The following DMD variants were observed in gnomAD, a reference collection of about 807,000 sequenced individuals.
DMD encodes the protein dystrophin.
In DMD, 63 loss-of-function variants were observed where a neutral mutation model predicts 330.1. The observed-to-expected ratio is 0.19, with a 90% CI of 0.16 to 0.24. The LOEUF is 0.24. Among genes scored for constraint, DMD ranks in the 10% least tolerant of loss-of-function variants. The pLI, the probability that DMD is intolerant of heterozygous loss-of-function variation, is 1.00. For missense variants in DMD, 3,344 were observed against 2,684.1 expected, an observed-to-expected ratio of 1.25 and a Z score of -5.43; for synonymous variants, 1,223 against 959.8, an observed-to-expected ratio of 1.27 and a Z score of -5.07.
At chrX:31,979,547 C>G (rs966368856) in intron 44 of DMD, among the ~76,000 whole-genome samples, 30 of 111,662 alleles carry the variant, frequency 2.7e-4, no homozygotes, top group Admixed American at 7.6e-4. Context: ...GAAAGAATCT[C>G]TAAGAGCATA....
intron 44 of DMD, among the ~76,000 whole-genome samples, chrX:32,135,000 CA>C (rs943764799): frequency 3.6e-5 from 4 of 111,517 alleles, no homozygotes; most frequent in Non-Finnish European, 7.5e-5. Flanking sequence ...CTAGACTTCA[CA>C]AAAGAATTAC....
chrX:31,482,089 G>C (rs1367879942), intron 57 of DMD, among the ~76,000 whole-genome samples: 1 of 111,215 alleles, frequency 9.0e-6, no homozygotes, highest in African/African-American at 3.3e-5. Flanking sequence ...GTAAGTCTTT[G>C]GGCAAAGGAA....
intron 44 of DMD, among the ~76,000 whole-genome samples, chrX:32,108,576 G>T (rs1015082269): frequency 8.9e-6 from 1 of 111,734 alleles, no homozygotes; most frequent in African/African-American, 3.2e-5. Context: ...ATGATACTGA[G>T]GGACTGGCAA....
At chrX:32,523,776 G>A (rs2148837029) in intron 17 of DMD, among the ~76,000 whole-genome samples, 1 of 111,303 alleles carries the variant, frequency 9.0e-6, no homozygotes, top group East Asian at 2.8e-4. Context: ...GCTATGACCT[G>A]TATAAGGAGG....
At chrX:33,205,302 G>A (rs956188176) in intron 1 of DMD, among the ~76,000 whole-genome samples, 4 of 111,961 alleles carry the variant, frequency 3.6e-5, no homozygotes, top group Non-Finnish European at 7.5e-5. Flanking sequence ...CTAATACATC[G>A]TTCTTAAGCA....
intron 7 of DMD, among the ~76,000 whole-genome samples, chrX:32,757,021 A>T (rs962249268): frequency 8.1e-5 from 9 of 111,615 alleles, no homozygotes; most frequent in African/African-American, 2.6e-4. Context: ...TTTAACTCTT[A>T]AAGAGATTAG....
At chrX:31,430,793 CTTTTTTT>C (rs565087970) in intron 60 of DMD, among the ~76,000 whole-genome samples, 5 of 48,332 alleles carry the variant, frequency 1.0e-4, no homozygotes, top group South Asian at 1.3e-3. Flanking sequence ...AAGTTAAGGT[CTTTTTTT>C]TTTTTTTTTT....
intron 11 of DMD, among the ~76,000 whole-genome samples, chrX:32,640,389 T>G (rs2059373685): frequency 9.1e-6 from 1 of 109,944 alleles, no homozygotes; most frequent in South Asian, 3.9e-4. Flanking sequence ...TAAATAAGTG[T>G]TTGAGAAAGC....
intron 1 of DMD, among the ~76,000 whole-genome samples, chrX:33,126,158 G>C (rs184298228): frequency 1.8e-5 from 2 of 111,497 alleles, no homozygotes; most frequent in Non-Finnish European, 3.8e-5. Flanking sequence ...AGTTTCAGCA[G>C]GAATACAATT....
chrX:32,444,568 C>G (rs1335182065), intron 27 of DMD, among the ~76,000 whole-genome samples: 1 of 110,686 alleles, frequency 9.0e-6, no homozygotes, highest in East Asian at 2.8e-4. Flanking sequence ...AATAAATATG[C>G]CTAGCCTCAT....
intron 49 of DMD, among the ~76,000 whole-genome samples, chrX:31,832,562 C>A (rs945971351): frequency 8.9e-6 from 1 of 112,085 alleles, no homozygotes; most frequent in African/African-American, 3.2e-5. Flanking sequence ...TTGTCTACAG[C>A]AATTATTTTG....
At chrX:32,822,057 A>T (rs964254359) in intron 5 of DMD, among the ~76,000 whole-genome samples, 1 of 111,419 alleles carries the variant, frequency 9.0e-6, no homozygotes, top group Non-Finnish European at 1.9e-5. Context: ...CATTTCAAAA[A>T]CGCTGATTTA....
chrX:31,479,064 T>C lies in DMD; in HGVS notation c.8587A>G (p.Met2863Val). The change falls in exon 58 of 79, where the codon ATG (methionine) becomes GTG (valine). Residue 2863 changes from methionine to valine, a missense_variant. Met to Val is a conservative substitution (Grantham distance 21, BLOSUM62 1). Coordinates refer to ENST00000357033, the MANE Select transcript of DMD (RefSeq NM_004006.3). ...RELKTKEPVI[M>V]STLETVRIFL... ...ATTCGTACAGTCTCAAGAGTACTCA[T>C]GATTACAGGTTCTTTAGTTTTCAAT... The C allele has an allele frequency of 5.0e-6, 6 of 1,209,188 alleles. No homozygotes were observed. Among genetic ancestry groups the C allele is most frequent in the Non-Finnish European group, 6.7e-6 (6 of 893,293 alleles).
At chrX:32,219,400 T>C (rs1283071440) in intron 43 of DMD, among the ~76,000 whole-genome samples, 1 of 112,432 alleles carries the variant, frequency 8.9e-6, no homozygotes, top group African/African-American at 3.2e-5. Flanking sequence ...TAAAAATCTA[T>C]GCAACATAGT....
intron 2 of DMD, among the ~76,000 whole-genome samples, chrX:32,910,762 A>G (rs2087165032): frequency 8.9e-6 from 1 of 112,214 alleles, no homozygotes; most frequent in Non-Finnish European, 1.9e-5. Context: ...TTTCTTAGAA[A>G]GTTTCAAAAT....
chrX:33,271,880 C>T (rs1476484254), intron 1 of DMD, among the ~76,000 whole-genome samples: 2 of 109,396 alleles, frequency 1.8e-5, no homozygotes, highest in African/African-American at 6.6e-5. Flanking sequence ...AATGTGTGTT[C>T]TTTTTCATTT....
At chrX:31,359,088 T>C (rs1001969057) in intron 60 of DMD, among the ~76,000 whole-genome samples, 1 of 112,186 alleles carries the variant, frequency 8.9e-6, no homozygotes, top group Admixed American at 9.5e-5. Context: ...ATAAGGCACT[T>C]TGCTAGGAGA....
At chrX:31,954,558 T>C (rs975893938) in intron 45 of DMD, among the ~76,000 whole-genome samples, 4 of 111,605 alleles carry the variant, frequency 3.6e-5, no homozygotes, top group Admixed American at 2.9e-4. Flanking sequence ...TATTCAGCCA[T>C]ACAAAGGGTG....
intron 60 of DMD, among the ~76,000 whole-genome samples, chrX:31,386,797 A>C (rs1353535168): frequency 8.9e-6 from 1 of 111,993 alleles, no homozygotes; most frequent in Non-Finnish European, 1.9e-5. Context: ...GACTGTCATA[A>C]TGGCTTTCAG....
Sources: allele counts gnomAD v4.1 joint callset (sites outside exome capture counted in the v4.1 genomes callset), GRCh38; gene constraint gnomAD v4.1.1; transcripts MANE v1.5; gene names NCBI Gene and HGNC (gene_info 2026-07-23, HGNC 2026-07-21).